The following ANKS1B variants were observed in gnomAD, a reference collection of about 807,000 sequenced individuals.
ANKS1B encodes the protein ankyrin repeat and sterile alpha motif domain-containing protein 1B.
ANKS1B carries 36 observed loss-of-function variants against 148.3 expected under a neutral mutation model. The ratio of observed to expected loss-of-function variants is 0.24; its 90% CI spans 0.19 to 0.32. ANKS1B has a LOEUF of 0.32. ANKS1B is among the 10% of genes least tolerant of loss of function. The pLI, the probability that ANKS1B is intolerant of heterozygous loss-of-function variation, is 1.00. For missense variants in ANKS1B, 1,157 were observed against 1,542.6 expected, an observed-to-expected ratio of 0.75 and a Z score of 4.19; for synonymous variants, 542 against 560.8, an observed-to-expected ratio of 0.97 and a Z score of 0.47.
chr12:99,683,354 A>G (rs1235265204), intron 8 of ANKS1B, among the ~76,000 whole-genome samples: 1 of 152,204 alleles, frequency 6.6e-6, no homozygotes, highest in African/African-American at 2.4e-5. Context: ...GAACACCTAT[A>G]TGCTCACAAA....
chr12:99,935,357 CA>C (rs10629199), intron 1 of ANKS1B, among the ~76,000 whole-genome samples: 227 of 130,204 alleles, frequency 1.7e-3, no homozygotes, highest in East Asian at 8.2e-3. Context: ...AGATGCCTGA[CA>C]AAAAAAAAAA....
chr12:98,862,269 C>T (rs2099602968), intron 17 of ANKS1B, among the ~76,000 whole-genome samples: 2 of 152,114 alleles, frequency 1.3e-5, no homozygotes, highest in Admixed American at 1.3e-4. Flanking sequence ...AGAACCCAGC[C>T]TACCACTTCT....
chr12:99,423,327 AAAAAT>A (rs2095151925), intron 11 of ANKS1B, among the ~76,000 whole-genome samples: 1 of 152,228 alleles, frequency 6.6e-6, no homozygotes, highest in African/African-American at 2.4e-5. Context: ...TACAAACTCA[AAAAAT>A]AACAGATGTT....
intron 16 of ANKS1B, among the ~76,000 whole-genome samples, chr12:99,058,514 G>T (rs1286355040): frequency 6.6e-6 from 1 of 151,942 alleles, no homozygotes; most frequent in Non-Finnish European, 1.5e-5. Flanking sequence ...CTCCCAAAGT[G>T]TTGGGATTAC....
chr12:99,812,409 T>C (rs2068483019), intron 2 of ANKS1B, 98 bp from the exon 3 acceptor site: 2 of 1,307,766 alleles, frequency 1.5e-6, no homozygotes, highest in South Asian at 3.0e-5. Flanking sequence ...GGTGGGAATT[T>C]AGAGTAATCA....
chr12:98,877,706 A>C (rs1036320801), intron 17 of ANKS1B, among the ~76,000 whole-genome samples: 6 of 152,226 alleles, frequency 3.9e-5, no homozygotes, highest in Admixed American at 2.6e-4. Flanking sequence ...TGAACAGGAA[A>C]GTATACTTCA....
chr12:99,256,030 T>A (rs2075217697), intron 12 of ANKS1B, among the ~76,000 whole-genome samples: 1 of 152,124 alleles, frequency 6.6e-6, no homozygotes, highest in African/African-American at 2.4e-5. Flanking sequence ...CTTATGTTTT[T>A]TCCTATGAAA....
chr12:99,630,202 G>T (rs992518528), intron 9 of ANKS1B, among the ~76,000 whole-genome samples: 1 of 152,036 alleles, frequency 6.6e-6, no homozygotes, highest in Non-Finnish European at 1.5e-5. Flanking sequence ...CCTAATGGTA[G>T]CCAGGATTCA....
chr12:99,657,897 C>CAAAAAA (rs58151526), intron 8 of ANKS1B, among the ~76,000 whole-genome samples: 5 of 75,412 alleles, frequency 6.6e-5, no homozygotes, highest in African/African-American at 1.6e-4. Context: ...TCTCCTCCCT[C>CAAAAAA]AAAAAAAAAA....
intron 11 of ANKS1B, among the ~76,000 whole-genome samples, chr12:99,431,236 A>T (rs1308869812): frequency 4.6e-5 from 7 of 152,176 alleles, no homozygotes; most frequent in African/African-American, 1.7e-4. Flanking sequence ...TCCTTTCCTC[A>T]CAGATAAAAC....
At chr12:99,816,935 G>GTT (rs1289524810) in intron 2 of ANKS1B, among the ~76,000 whole-genome samples, 3 of 151,598 alleles carry the variant, frequency 2.0e-5, no homozygotes, top group Admixed American at 6.6e-5. Flanking sequence ...GGGGATGCAT[G>GTT]TAATATTTTT....
Position 99,504,529 on chromosome 12 carries a change from A to T in ANKS1B, c.1385T>A (p.Val462Asp). 6.2e-7 allele frequency: 1 copy of T among 1,612,762 alleles called. No individual in the cohort carries two copies. Among genetic ancestry groups the T allele is most frequent in the Non-Finnish European group, 8.5e-7 (1 of 1,179,466 alleles). The change falls in exon 10 of 27, where the codon GTT (valine) becomes GAT (aspartate). Residue 462 changes from valine to aspartate, a missense_variant. By Grantham distance (152) the Val-to-Asp change is radical. Transcript: ENST00000683438. ...NFLCDLMDTA[V>D]TKKPCSLEIA... ...TTCTAAGGAGCAAGGTTTCTTTGTA[A>T]CAGCTGTGTCCATGAGATCACACAG...
chr12:99,692,350 T>C (rs1343216741), intron 8 of ANKS1B, among the ~76,000 whole-genome samples: 1 of 151,972 alleles, frequency 6.6e-6, no homozygotes, highest in Non-Finnish European at 1.5e-5. Context: ...TTAACAGGAA[T>C]TATTAATGGA....
chr12:99,035,810 G>T (rs2099955181), intron 17 of ANKS1B, among the ~76,000 whole-genome samples: 1 of 152,124 alleles, frequency 6.6e-6, no homozygotes, highest in South Asian at 2.1e-4. Context: ...CAGAGTAAGG[G>T]CATGTCTGGA....
intron 1 of ANKS1B, among the ~76,000 whole-genome samples, chr12:99,923,696 T>C (rs987886592): frequency 9.2e-5 from 14 of 152,162 alleles, no homozygotes; most frequent in Admixed American, 2.0e-4. Context: ...TTTTTCCTAA[T>C]CCCTCTATCC....
chr12:99,361,948 A>G (rs1397766829), intron 12 of ANKS1B, among the ~76,000 whole-genome samples: 1 of 152,054 alleles, frequency 6.6e-6, no homozygotes, highest in Non-Finnish European at 1.5e-5. Flanking sequence ...GCATCTATGG[A>G]AATTCCAAAT....
intron 1 of ANKS1B, among the ~76,000 whole-genome samples, chr12:99,835,311 G>C (rs2084675811): frequency 6.6e-6 from 1 of 151,338 alleles, no homozygotes; most frequent in Non-Finnish European, 1.5e-5. Context: ...TGCATCTGTA[G>C]TCCCAGCTAT....
chr12:98,888,920 A>G (rs951704529), intron 17 of ANKS1B, among the ~76,000 whole-genome samples: 58 of 152,200 alleles, frequency 3.8e-4, no homozygotes, highest in Non-Finnish European at 1.9e-4. Flanking sequence ...GACCTTGTCT[A>G]TCTTGTTCAT....
At chr12:99,126,604 C>T (rs2064436890) in intron 15 of ANKS1B, among the ~76,000 whole-genome samples, 1 of 152,104 alleles carries the variant, frequency 6.6e-6, no homozygotes, top group Non-Finnish European at 1.5e-5. Context: ...TGTATCCTGT[C>T]ACAAAGCAGG....
Sources: allele counts gnomAD v4.1 joint callset (sites outside exome capture counted in the v4.1 genomes callset), GRCh38; gene constraint gnomAD v4.1.1; transcripts MANE v1.5; gene names NCBI Gene and HGNC (gene_info 2026-07-23, HGNC 2026-07-21).